The following TMEM209 variants were observed in gnomAD, a reference collection of about 807,000 sequenced individuals.
The protein encoded by TMEM209 is testicular tissue protein Li 202.
In TMEM209, 65 loss-of-function variants were observed where a neutral mutation model predicts 76.2. The ratio of observed to expected loss-of-function variants is 0.85; its 90% CI spans 0.70 to 1.05. The LOEUF is 1.05. Ranked by LOEUF, TMEM209 falls within the 50% of genes least tolerant of loss-of-function variation. The probability of loss-of-function intolerance (pLI) is 0.00; values close to 1 mark genes in which losing one functional copy is unlikely to be tolerated. For missense variants in TMEM209, 623 were observed against 685.5 expected (o/e 0.91, Z 1.02); for synonymous variants, 239 against 237.6 (o/e 1.01, Z -0.06).
chr7:130,187,750 C>T (rs1208300013), intron 6 of TMEM209, among the ~76,000 whole-genome samples: 1 of 151,850 alleles, frequency 6.6e-6, no homozygotes, highest in African/African-American at 2.4e-5. Flanking sequence ...CTGTGAGGTC[C>T]AGGAATCTCC....
At chr7:130,187,272 A>C (rs1256831760) in intron 6 of TMEM209, among the ~76,000 whole-genome samples, 1 of 152,054 alleles carries the variant, frequency 6.6e-6, no homozygotes, top group Non-Finnish European at 1.5e-5. Flanking sequence ...ATCTCAAAAA[A>C]AAAAACAACA....
intron 14 of TMEM209, among the ~76,000 whole-genome samples, chr7:130,166,995 C>T (rs960701381): frequency 7.9e-5 from 12 of 152,000 alleles, no homozygotes; most frequent in Admixed American, 7.9e-4. Context: ...TACTTCTCTT[C>T]CAGAGAGTAG....
chr7:130,199,764 T>C (rs2117031448), intron 5 of TMEM209: 1 of 152,286 alleles, frequency 6.6e-6, no homozygotes, highest in South Asian at 2.1e-4. Context: ...TTTGTACAAA[T>C]AGAACATAAG....
At chr7:130,199,235 T>C (rs1426513529) in intron 5 of TMEM209, among the ~76,000 whole-genome samples, 1 of 152,186 alleles carries the variant, frequency 6.6e-6, no homozygotes, top group Non-Finnish European at 1.5e-5. Flanking sequence ...TATTTTTTTT[T>C]TGAGACAGAG....
chr7:130,202,176 C>T lies in TMEM209; in HGVS notation c.332-85G>A, dbSNP rs953750930. The T allele has an allele frequency of 4.7e-6, 7 of 1,475,822 alleles. No individual in the cohort carries two copies. In the Admixed American group the frequency reaches 1.2e-4, roughly 25 times the overall value. The allele number at this position is 1,475,822 out of a possible 1,614,324, so 91.4% of individuals were successfully genotyped here. A position where few individuals can be genotyped will look rare whatever the true frequency, so the allele number is the denominator to read the frequency against. ...TATATTTAAGCAACTAAGTCTTTCT[C>T]TTAAGGGAAAAAAGTTAACAGAGTT... is the stretch of plus-strand genomic sequence containing the variant. On this transcript the variant is annotated intron_variant, in intron 4 of 14. Coordinates refer to ENST00000397622, the MANE Select transcript of TMEM209 (RefSeq NM_032842.4).
intron 1 of TMEM209, 63 bp downstream of exon 1, chr7:130,205,310 G>A (rs1450410721): frequency 6.2e-6 from 10 of 1,613,478 alleles, no homozygotes; most frequent in African/African-American, 5.3e-5. Context: ...CAGCAGGCGC[G>A]GAACTCCCAC....
In TMEM209 at chr7:130,202,592, C is replaced by A. The variant is rs775204795; in HGVS notation, c.271G>T (p.Ala91Ser). ...GGACTAACAACCAGACTTGTTGGTGCCACAGTATATTTGAAATATCTCCAA... is the reference window on the plus strand; with the variant it reads ...GGACTAACAACCAGACTTGTTGGTGACACAGTATATTTGAAATATCTCCAA... ...DFWRYFKYTV[A>S]PTSLVVSPGQ... Residue 91 changes from alanine to serine, a missense_variant, in exon 4 of 15, where the codon GCA becomes TCA. Transcript: ENST00000397622. 6.8e-6 allele frequency: 11 copies of A among 1,613,636 alleles called. No individual in the cohort carries two copies. Among genetic ancestry groups the A allele is most frequent in the Non-Finnish European group, 7.6e-6 (9 of 1,179,756 alleles).
rs1372665308 is a variant in TMEM209, at chr7:130,175,548, TC to T, written c.1307del (p.Gly436AspfsTer94). ...FRWNRGGDFK[G>X]RKWDTDLPTD... ...TGGGCAGGTCTGTATCCCACTTTCGTCCTTTGAAGTCGCCACCTCTGTTCCA... is the reference window on the plus strand; with the variant it reads ...TGGGCAGGTCTGTATCCCACTTTCGTCTTTGAAGTCGCCACCTCTGTTCCA... On this transcript the variant is annotated frameshift_variant, in exon 11 of 15. Coordinates refer to ENST00000397622, the MANE Select transcript of TMEM209 (RefSeq NM_032842.4). LOFTEE classifies it high-confidence loss of function. 1 of 1,613,230 alleles carries T rather than the reference TC, an allele frequency of 6.2e-7. No individual in the cohort carries two copies. The highest frequency in any genetic ancestry group is 2.2e-5 in the East Asian group (1 of 44,890).
chr7:130,192,313 G>C, intron 6 of TMEM209: 1 of 268,558 alleles, frequency 3.7e-6, no homozygotes, highest in Non-Finnish European at 7.2e-6. Context: ...TATAATTTGA[G>C]TAAGTTCACT....
intron 13 of TMEM209, among the ~76,000 whole-genome samples, chr7:130,172,891 T>C (rs4433084): frequency 0.99 from 149,917 of 150,738 alleles, 74,552 homozygotes; most frequent in Middle Eastern, 1. Context: ...CCCAGCTACT[T>C]GGGAGGCTGA....
Position 130,166,332 on chromosome 7 carries a change from A to T in TMEM209, c.*119T>A. 2 of 619,920 alleles carry T rather than the reference A, an allele frequency of 3.2e-6. No homozygotes were observed. Among genetic ancestry groups the T allele is most frequent in the Non-Finnish European group, 5.0e-6 (2 of 396,570 alleles). The allele number at this position is 619,920 out of a possible 1,614,324, so 38.4% of individuals were successfully genotyped here. A position where few individuals can be genotyped will look rare whatever the true frequency, so the allele number is the denominator to read the frequency against. On this transcript the variant is annotated 3_prime_UTR_variant, in exon 15 of 15. Transcript: ENST00000397622. ...GCTACATTTTCTGTTAAATCTAAAG[A>T]GTCTGTAACATACACCCATGTGTAT...
intron 10 of TMEM209, among the ~76,000 whole-genome samples, chr7:130,176,704 G>A (rs564324385): frequency 3.9e-5 from 6 of 152,218 alleles, no homozygotes; most frequent in Admixed American, 6.5e-5. Flanking sequence ...AAAAAAAGGT[G>A]AATGGGAAGC....
chr7:130,201,024 G>T (rs1798175082), intron 5 of TMEM209, among the ~76,000 whole-genome samples: 1 of 144,642 alleles, frequency 6.9e-6, no homozygotes, highest in Non-Finnish European at 1.5e-5. Flanking sequence ...GGGAGGCGGA[G>T]TTTGCAGTGA....
At position 130,165,067 on chromosome 7, in the gene TMEM209, T is replaced by G. The variant is rs1796841858; in HGVS notation, c.*1384A>C. ...TTAGTGAGTCTGCATATGTGTATTA[T>G]TAATACATGTTAAACCATACTGCAG... is the stretch of plus-strand genomic sequence containing the variant. On this transcript the variant is annotated 3_prime_UTR_variant, in exon 15 of 15. Transcript: ENST00000397622. 6.6e-6 allele frequency: 1 copy of G among 152,226 alleles called. No individual in the cohort carries two copies. The allele number at this position is 152,226 out of a possible 1,614,324, so 9.4% of individuals were successfully genotyped here.
chr7:130,172,194 T>C (rs1306336079), intron 13 of TMEM209, among the ~76,000 whole-genome samples: 2 of 152,244 alleles, frequency 1.3e-5, no homozygotes, highest in East Asian at 1.9e-4. Context: ...ATTGATACAA[T>C]AACCTTTATT....
chr7:130,193,912 T>G (rs1156737389), intron 5 of TMEM209, among the ~76,000 whole-genome samples: 2 of 151,558 alleles, frequency 1.3e-5, no homozygotes, highest in African/African-American at 4.8e-5. Context: ...AATAAACCAC[T>G]GTGAGGCCGG....
At chr7:130,197,578 T>A (rs912608436) in intron 5 of TMEM209, among the ~76,000 whole-genome samples, 2 of 152,202 alleles carry the variant, frequency 1.3e-5, no homozygotes, top group African/African-American at 4.8e-5. Flanking sequence ...GCTACTGAAC[T>A]ATGCACTTAA....
At chr7:130,197,572 C>T (rs1053041058) in intron 5 of TMEM209, among the ~76,000 whole-genome samples, 2 of 152,124 alleles carry the variant, frequency 1.3e-5, no homozygotes, top group African/African-American at 4.8e-5. Flanking sequence ...TTTAATGCTA[C>T]TGAACTATGC....
intron 5 of TMEM209, among the ~76,000 whole-genome samples, chr7:130,200,982 G>A (rs575912492): frequency 6.7e-6 from 1 of 149,482 alleles, no homozygotes; most frequent in East Asian, 2.0e-4. Flanking sequence ...CCAGCTACTC[G>A]GGAGGCTGAG....
Sources: gnomAD v4.1 joint callset for allele counts (sites outside exome capture counted in the v4.1 genomes callset) on GRCh38, gnomAD v4.1.1 for gene constraint, MANE v1.5 for transcripts, NCBI Gene and HGNC (gene_info 2026-07-23, HGNC 2026-07-21) for gene names.